Variants in CUL4A observed in about 807,000 individuals in gnomAD.
The protein encoded by CUL4A is cullin 4A.
CUL4A carries 16 observed loss-of-function variants against 95.5 expected under a neutral mutation model. That is an observed-to-expected ratio of 0.17 (90% CI 0.11 to 0.25). The LOEUF is 0.25. Ranked by LOEUF, CUL4A falls within the 10% of genes least tolerant of loss-of-function variation. The pLI is 1.00. For missense variants in CUL4A, 610 were observed against 937.0 expected (o/e 0.65, Z 4.56); for synonymous variants, 380 against 353.1 (o/e 1.08, Z -0.85).
intron 5 of CUL4A, among the ~76,000 whole-genome samples, chr13:113,232,443 T>G (rs1015362306): frequency 2.2e-5 from 3 of 137,156 alleles, no homozygotes; most frequent in Non-Finnish European, 4.9e-5. Context: ...CCAGCACCAC[T>G]CCTGCCCTGA....
At chr13:113,224,672 T>C (rs1361798761) in intron 3 of CUL4A, among the ~76,000 whole-genome samples, 3 of 152,260 alleles carry the variant, frequency 2.0e-5, no homozygotes, top group Admixed American at 6.5e-5. Flanking sequence ...TGACCAGATA[T>C]CGTGTACGGA....
At chr13:113,263,408 C>T (rs1161101282) in intron 19 of CUL4A, 79 bp from the exon 20 acceptor site, 3 of 617,042 alleles carry the variant, frequency 4.9e-6, no homozygotes, top group South Asian at 2.7e-5. Context: ...TTACATACTT[C>T]ATGCATATAC....
At chr13:113,234,145 G>A (rs1423500958) in intron 7 of CUL4A, among the ~76,000 whole-genome samples, 159 bp downstream of exon 7, 2 of 152,080 alleles carry the variant, frequency 1.3e-5, no homozygotes, top group Non-Finnish European at 2.9e-5. Flanking sequence ...AATGAGCTTC[G>A]TTCTTAGTAT....
intron 2 of CUL4A, 152 bp downstream of exon 2, chr13:113,210,240 A>T (rs1017911701): frequency 9.7e-5 from 50 of 517,336 alleles, no homozygotes; most frequent in Non-Finnish European, 1.5e-4. Context: ...CCCAGAGGCA[A>T]CAAGTGGTTT....
chr13:113,254,829 G>C, intron 17 of CUL4A, 31 bp downstream of exon 17: 1 of 1,595,306 alleles, frequency 6.3e-7, no homozygotes, highest in Non-Finnish European at 8.6e-7. Context: ...ATAGCTCCAT[G>C]AGTTGTTCTT....
At chr13:113,227,852 G>A (rs950265034) in intron 3 of CUL4A, 124 bp from the exon 4 acceptor site, 1 of 553,236 alleles carries the variant, frequency 1.8e-6, no homozygotes. Flanking sequence ...CTGCACTGCT[G>A]AGCTAAGATC....
intron 2 of CUL4A, among the ~76,000 whole-genome samples, chr13:113,215,237 G>A (rs2040608665): frequency 6.6e-6 from 1 of 151,386 alleles, no homozygotes; most frequent in African/African-American, 2.4e-5. Context: ...CCGTGTGGCT[G>A]TGGAGGTCGC....
chr13:113,219,987 AG>A (rs2040838414), intron 3 of CUL4A, among the ~76,000 whole-genome samples: 1 of 152,320 alleles, frequency 6.6e-6, no homozygotes, highest in Non-Finnish European at 1.5e-5. Context: ...TAGAAAGTAG[AG>A]TTTATAATTG....
rs9549365 is a variant in CUL4A, at chr13:113,253,077, A to G, written c.1639-5A>G. The stretch of plus-strand genomic sequence containing the variant: ...ATAATTTTGTTGTTCTCCTATGCTT[A>G]ACAGATGATTAAACTTCAGGAAGTA... On this transcript the variant is annotated splice_polypyrimidine_tract_variant and splice_region_variant and intron_variant, in intron 15 of 19. Coordinates refer to ENST00000375440, the MANE Select transcript of CUL4A (RefSeq NM_001008895.4). 381,270 of 1,535,998 alleles carry G rather than the reference A, an allele frequency of 0.25. 53,904 individuals carry two copies. The highest frequency in any genetic ancestry group is 0.51 in the East Asian group (22,474 of 43,964).
chr13:113,237,555 C>CA (rs1390000920), intron 9 of CUL4A, among the ~76,000 whole-genome samples: 34 of 152,168 alleles, frequency 2.2e-4, no homozygotes, highest in African/African-American at 8.2e-4. Flanking sequence ...TTCTAGGCTT[C>CA]AAAGTGTGCT....
At chr13:113,216,647 T>C (rs1022254946) in intron 2 of CUL4A, among the ~76,000 whole-genome samples, 1 of 152,254 alleles carries the variant, frequency 6.6e-6, no homozygotes, top group Non-Finnish European at 1.5e-5. Flanking sequence ...TACCATCTGA[T>C]TAGTTGCTTT....
At chr13:113,247,067 A>G (rs1199123108) in intron 15 of CUL4A, among the ~76,000 whole-genome samples, 4 of 152,144 alleles carry the variant, frequency 2.6e-5, no homozygotes, top group Non-Finnish European at 5.9e-5. Context: ...GTTGAAGGCA[A>G]AGGGGGAGTA....
intron 8 of CUL4A, among the ~76,000 whole-genome samples, chr13:113,235,699 G>A (rs778150073): frequency 4.6e-5 from 7 of 151,998 alleles, no homozygotes; most frequent in Non-Finnish European, 7.4e-5. Context: ...AGCTGGGCGC[G>A]GTGGCTCAGG....
chr13:113,257,157 T>C (rs1183123852), intron 18 of CUL4A, among the ~76,000 whole-genome samples: 3 of 152,112 alleles, frequency 2.0e-5, no homozygotes, highest in African/African-American at 7.2e-5. Flanking sequence ...ACTCCTGACC[T>C]CAGGTGAGTC....
chr13:113,260,879 C>T (rs2042257838), intron 19 of CUL4A, 120 bp downstream of exon 19: 2 of 787,838 alleles, frequency 2.5e-6, no homozygotes, highest in Middle Eastern at 3.9e-4. Context: ...TTTGTGTATA[C>T]ACTGAATGTA....
chr13:113,210,407 A>G (rs1369483177), intron 2 of CUL4A, among the ~76,000 whole-genome samples: 1 of 152,224 alleles, frequency 6.6e-6, no homozygotes, highest in Non-Finnish European at 1.5e-5. Flanking sequence ...GTTATATGTA[A>G]AACTCATGAC....
chr13:113,244,127 T>C (rs2041796390), intron 11 of CUL4A: 1 of 294,686 alleles, frequency 3.4e-6, no homozygotes, highest in East Asian at 6.8e-5. Flanking sequence ...GAGCATGTAT[T>C]TGCTGAAGTC....
chr13:113,234,591 G>A (rs914602378), intron 7 of CUL4A, among the ~76,000 whole-genome samples: 7 of 152,296 alleles, frequency 4.6e-5, no homozygotes, highest in East Asian at 3.9e-4. Context: ...GGCCTTTCCC[G>A]CACTGTCTTG....
chr13:113,233,766 C>T (rs1019200588), intron 6 of CUL4A, 131 bp from the exon 7 acceptor site: 5 of 675,088 alleles, frequency 7.4e-6, no homozygotes, highest in Admixed American at 2.8e-5. Context: ...TGCAGCCGGC[C>T]GGCTGGGTGG....
Sources: gnomAD v4.1 joint callset for allele counts (sites outside exome capture counted in the v4.1 genomes callset) on GRCh38, gnomAD v4.1.1 for gene constraint, MANE v1.5 for transcripts, NCBI Gene and HGNC (gene_info 2026-07-23, HGNC 2026-07-21) for gene names.